Variants in DUSP13B observed in about 807,000 individuals in gnomAD.
DUSP13B encodes dual specificity protein phosphatase 13B.
chr10:75,101,286 T>C, the DUSP13B span, among the ~76,000 whole-genome samples: 1 of 152,166 alleles, frequency 6.6e-6, no homozygotes, highest in South Asian at 2.1e-4. Context: ...TAATAATTAA[T>C]GTAAAGCACC....
the DUSP13B span, chr10:75,103,878 G>C: frequency 1.5e-6 from 2 of 1,299,454 alleles, no homozygotes; most frequent in South Asian, 2.5e-5. Context: ...TGGCTGAGAG[G>C]GGAGCCCACT....
At chr10:75,095,831 G>A in the DUSP13B span, 2 of 1,595,736 alleles carry the variant, frequency 1.3e-6, no homozygotes, top group South Asian at 2.2e-5. Context: ...GGAGAGTGGA[G>A]GTAGATCTCA....
At chr10:75,108,239 C>A in the DUSP13B span, 1 of 1,566,652 alleles carries the variant, frequency 6.4e-7, no homozygotes, top group Non-Finnish European at 8.6e-7. Context: ...CACTTGATGC[C>A]GGCCAAGCCA....
At chr10:75,099,573 G>GC in the DUSP13B span, 9 of 1,231,208 alleles carry the variant, frequency 7.3e-6, no homozygotes, top group Admixed American at 4.2e-5. Flanking sequence ...GGCGCCCATG[G>GC]GGGGTGGGGC....
At chr10:75,101,794 T>G in the DUSP13B span, 4 of 896,668 alleles carry the variant, frequency 4.5e-6, no homozygotes, top group Admixed American at 4.1e-5. Context: ...CAGGCACAAG[T>G]GTCCTGGCCC....
At chr10:75,096,406 A>G in the DUSP13B span, among the ~76,000 whole-genome samples, 1 of 151,944 alleles carries the variant, frequency 6.6e-6, no homozygotes, top group Non-Finnish European at 1.5e-5. Context: ...GCAAAACCTT[A>G]TCTCTACAAA....
chr10:75,098,757 A>G, the DUSP13B span, among the ~76,000 whole-genome samples: 1 of 152,180 alleles, frequency 6.6e-6, no homozygotes, highest in Non-Finnish European at 1.5e-5. Context: ...GCGAGAGTCC[A>G]TCTCAACAAC....
chr10:75,108,887 G>T, the DUSP13B span: 1 of 1,322,438 alleles, frequency 7.6e-7, no homozygotes. Context: ...GAAGGTCCCT[G>T]GCCTGGGATG....
the DUSP13B span, chr10:75,106,016 C>T: frequency 4.2e-6 from 3 of 710,866 alleles, no homozygotes; most frequent in East Asian, 8.2e-5. Flanking sequence ...ACCTCAGTTT[C>T]CTGATCGGTA....
chr10:75,094,950 C>A, the DUSP13B span: 1 of 1,320,208 alleles, frequency 7.6e-7, no homozygotes, highest in Non-Finnish European at 1.1e-6. Flanking sequence ...GAAGAGACAC[C>A]CATGGCCATC....
At chr10:75,098,640 T>C in the DUSP13B span, among the ~76,000 whole-genome samples, 1 of 152,106 alleles carries the variant, frequency 6.6e-6, no homozygotes, top group Non-Finnish European at 1.5e-5. Context: ...TCCACTCCTG[T>C]AGTCCCAGCT....
the DUSP13B span, chr10:75,094,989 G>T: frequency 1.0e-6 from 1 of 959,760 alleles, no homozygotes. Context: ...TACTGACACT[G>T]TCTACTCTGT....
the DUSP13B span, chr10:75,105,822 CGT>C: frequency 6.4e-7 from 1 of 1,550,784 alleles, no homozygotes; most frequent in Non-Finnish European, 8.7e-7. Flanking sequence ...CCAGGACCAG[CGT>C]GGCAGAGCGG....
chr10:75,101,634 G>A, the DUSP13B span, among the ~76,000 whole-genome samples: 1 of 152,182 alleles, frequency 6.6e-6, no homozygotes, highest in Non-Finnish European at 1.5e-5. Context: ...GACTCAGAGA[G>A]GTTAAGCAAC....
At chr10:75,095,489 G>A in the DUSP13B span, 2 of 1,262,642 alleles carry the variant, frequency 1.6e-6, no homozygotes, top group Non-Finnish European at 2.3e-6. Context: ...TGTCTCTCTG[G>A]ACTCCCACCC....
the DUSP13B span, among the ~76,000 whole-genome samples, chr10:75,097,188 T>C: frequency 6.6e-6 from 1 of 152,008 alleles, no homozygotes; most frequent in African/African-American, 2.4e-5. Flanking sequence ...ATACGTGCTC[T>C]GTGCACATTT....
the DUSP13B span, among the ~76,000 whole-genome samples, chr10:75,098,471 G>A: frequency 6.6e-6 from 1 of 152,160 alleles, no homozygotes; most frequent in Non-Finnish European, 1.5e-5. Flanking sequence ...TTATAAGCCT[G>A]ATGCCTCTGG....
the DUSP13B span, among the ~76,000 whole-genome samples, chr10:75,097,207 CT>C: frequency 4.7e-5 from 7 of 149,378 alleles, no homozygotes; most frequent in African/African-American, 7.4e-5. Flanking sequence ...TTCCTTTTTC[CT>C]TTTTTTTTTC....
the DUSP13B span, chr10:75,099,034 C>T: frequency 5.2e-5 from 64 of 1,232,496 alleles, no homozygotes; most frequent in Admixed American, 8.4e-5. Context: ...TCCTTACCCC[C>T]ACGACTCAGG....
Sources: allele counts gnomAD v4.1 joint callset (sites outside exome capture counted in the v4.1 genomes callset), GRCh38; gene constraint gnomAD v4.1.1; transcripts MANE v1.5; gene names NCBI Gene and HGNC (gene_info 2026-07-23, HGNC 2026-07-21).